Variants in PCDH15 observed in about 807,000 individuals in gnomAD.
PCDH15 encodes protocadherin related 15.
A neutral mutation model predicts 178.5 loss-of-function variants in PCDH15; 129 were observed. The ratio of observed to expected loss-of-function variants is 0.72; its 90% confidence interval spans 0.63 to 0.84. PCDH15 has a LOEUF of 0.84. Ranked by LOEUF, PCDH15 falls within the 40% of genes least tolerant of loss-of-function variation. The probability of loss-of-function intolerance (pLI) is 0.00; values close to 1 mark genes in which losing one functional copy is unlikely to be tolerated. For synonymous variants in PCDH15, 800 were observed against 732.0 expected, an observed-to-expected ratio of 1.09 and a Z score of -1.50; for missense variants, 2,230 against 2,099.9, an observed-to-expected ratio of 1.06 and a Z score of -1.21.
At chr10:55,149,587 C>G (rs1251166617) in intron 2 of PCDH15, among the ~76,000 whole-genome samples, 1 of 151,938 alleles carries the variant, frequency 6.6e-6, no homozygotes, top group Non-Finnish European at 1.5e-5. Context: ...CCAGTTTGGA[C>G]AGTCAAATAA....
chr10:54,941,880 T>C (rs1564649390), intron 2 of PCDH15, among the ~76,000 whole-genome samples: 1 of 152,066 alleles, frequency 6.6e-6, no homozygotes, highest in Non-Finnish European at 1.5e-5. Flanking sequence ...ATGTGCATAT[T>C]CTCTGGGCGA....
At chr10:55,530,115 T>G (rs1332416770) in intron 2 of PCDH15, among the ~76,000 whole-genome samples, 7 of 151,944 alleles carry the variant, frequency 4.6e-5, no homozygotes, top group African/African-American at 1.4e-4. Flanking sequence ...TGTATAATAA[T>G]GACATATTTT....
chr10:53,807,250 A>G (rs371273535), intron 37 of PCDH15, 120 bp from the exon 38 acceptor site: 6 of 787,916 alleles, frequency 7.6e-6, no homozygotes, highest in South Asian at 2.0e-5. Context: ...AAATCACTCA[A>G]GAGAGATAGA....
At chr10:54,352,404 G>C (rs1011436478) in intron 5 of PCDH15, among the ~76,000 whole-genome samples, 1 of 152,052 alleles carries the variant, frequency 6.6e-6, no homozygotes, top group Admixed American at 6.5e-5. Flanking sequence ...AGCCACCCTA[G>C]AGGAAAAATT....
At position 54,274,113 on chromosome 10, in the gene PCDH15, G is replaced by A. The variant is rs1591532315; in HGVS notation, c.877-37182C>T. Among the ~76,000 whole-genome samples, 3 of 152,016 alleles carry A rather than the reference G, an allele frequency of 2.0e-5. No homozygotes were observed. In the South Asian group the frequency reaches 6.3e-4, roughly 32 times the overall value. ...GAACACATGGACACATAGAGTGGGG[G>A]ACAGCACACACTGGGGCTTTTTGGA... On this transcript the variant is annotated intron_variant, in intron 8 of 37. Coordinates refer to ENST00000644397, the MANE Select transcript of PCDH15 (RefSeq NM_001384140.1).
intron 2 of PCDH15, among the ~76,000 whole-genome samples, chr10:55,416,552 G>A (rs1473037825): frequency 6.6e-6 from 1 of 151,590 alleles, no homozygotes; most frequent in Admixed American, 6.6e-5. Context: ...CTAAGGGGTG[G>A]GTATCAGGGG....
chr10:55,192,527 G>A (rs958451968), intron 1 of PCDH15, among the ~76,000 whole-genome samples: 3 of 151,560 alleles, frequency 2.0e-5, no homozygotes, highest in African/African-American at 7.3e-5. Flanking sequence ...CTTTGATAAA[G>A]TTTCCTTTGC....
intron 2 of PCDH15, among the ~76,000 whole-genome samples, chr10:55,039,941 A>G (rs1165583054): frequency 2.0e-5 from 3 of 152,138 alleles, no homozygotes; most frequent in African/African-American, 7.2e-5. Context: ...AAAACCCACC[A>G]TCAAACCATA....
intron 1 of PCDH15, among the ~76,000 whole-genome samples, chr10:54,761,283 T>C (rs1472984969): frequency 6.6e-6 from 1 of 152,180 alleles, no homozygotes; most frequent in Non-Finnish European, 1.5e-5. Context: ...GTTTGGGTCA[T>C]GTTTATGACC....
chr10:53,968,309 C>T (rs1231928917), intron 21 of PCDH15, among the ~76,000 whole-genome samples: 1 of 152,146 alleles, frequency 6.6e-6, no homozygotes, highest in Admixed American at 6.5e-5. Flanking sequence ...AGGGGAGGGG[C>T]ATCCACCATT....
intron 6 of PCDH15, among the ~76,000 whole-genome samples, chr10:54,344,176 T>A (rs548764693): frequency 6.6e-6 from 1 of 152,198 alleles, no homozygotes; most frequent in Non-Finnish European, 1.5e-5. Context: ...CTTCAATACA[T>A]CCTAAGTTAA....
intron 3 of PCDH15, among the ~76,000 whole-genome samples, chr10:54,503,529 C>A (rs968281761): frequency 4.1e-5 from 6 of 145,570 alleles, no homozygotes; most frequent in East Asian, 2.0e-4. Flanking sequence ...AAAAAAAAAA[C>A]TTGAAAGCTA....
chr10:55,506,920 G>C (rs1048012914), intron 2 of PCDH15, among the ~76,000 whole-genome samples: 2 of 151,356 alleles, frequency 1.3e-5, no homozygotes, highest in African/African-American at 2.4e-5. Flanking sequence ...AAAGCTGATT[G>C]AATATTCAGT....
At chr10:55,466,132 C>T (rs2132101068) in intron 2 of PCDH15, among the ~76,000 whole-genome samples, 1 of 152,192 alleles carries the variant, frequency 6.6e-6, no homozygotes, top group South Asian at 2.1e-4. Context: ...ACAGAGATTA[C>T]TATTTATATC....
chr10:55,606,431 A>G (rs1843218952), intron 2 of PCDH15, among the ~76,000 whole-genome samples: 1 of 151,378 alleles, frequency 6.6e-6, no homozygotes, highest in East Asian at 1.9e-4. Context: ...AAGAGCCCGC[A>G]TTGCCAAGTC....
intron 1 of PCDH15, among the ~76,000 whole-genome samples, chr10:54,759,888 C>G (rs1947646580): frequency 6.6e-6 from 1 of 152,176 alleles, no homozygotes; most frequent in Non-Finnish European, 1.5e-5. Context: ...CTACTATGCC[C>G]TGAGCAAAAA....
chr10:54,375,493 T>A (rs1357135469), intron 4 of PCDH15, among the ~76,000 whole-genome samples: 1 of 152,026 alleles, frequency 6.6e-6, no homozygotes, highest in African/African-American at 2.4e-5. Context: ...ATTGGTATTG[T>A]TAATATTCTC....
intron 2 of PCDH15, among the ~76,000 whole-genome samples, chr10:55,021,578 A>C (rs1045359739): frequency 1.3e-5 from 2 of 152,178 alleles, no homozygotes; most frequent in Non-Finnish European, 2.9e-5. Context: ...TGACCTTTAG[A>C]ATATCCCCAT....
At chr10:54,371,548 C>G (rs1947672842) in intron 4 of PCDH15, among the ~76,000 whole-genome samples, 2 of 151,728 alleles carry the variant, frequency 1.3e-5, no homozygotes, top group Non-Finnish European at 3.0e-5. Flanking sequence ...TTTCAGAGAG[C>G]AGAAATAAGA....
Sources: gnomAD v4.1 joint callset for allele counts (sites outside exome capture counted in the v4.1 genomes callset) on GRCh38, gnomAD v4.1.1 for gene constraint, MANE v1.5 for transcripts, NCBI Gene and HGNC (gene_info 2026-07-23, HGNC 2026-07-21) for gene names.